HS3ST4: variants seen among roughly 807,000 people sequenced by gnomAD.
HS3ST4 encodes heparan sulfate glucosamine 3-O-sulfotransferase 4.
HS3ST4 carries 17 observed loss-of-function variants against 29.2 expected under a neutral mutation model. That is an observed-to-expected ratio of 0.58 (90% CI 0.40 to 0.87). The LOEUF (loss-of-function observed/expected upper bound fraction) is 0.87. HS3ST4 is among the 40% of genes least tolerant of loss of function. HS3ST4 has a pLI of 0.00. For synonymous variants in HS3ST4, 314 were observed against 285.7 expected, an observed-to-expected ratio of 1.10 and a Z score of -1.00; for missense variants, 627 against 634.5, an observed-to-expected ratio of 0.99 and a Z score of 0.13.
intron 1 of HS3ST4, among the ~76,000 whole-genome samples, chr16:25,999,897 T>TTATATATATTATATATATATTTTTATATA (rs1555477425): frequency 7.6e-6 from 1 of 131,882 alleles, no homozygotes; most frequent in Admixed American, 8.6e-5. Context: ...TATATATATT[T>TTATATATATTATATATATATTTTTATATA]TATATATATA....
At chr16:25,929,250 T>G (rs1968440095) in intron 1 of HS3ST4, among the ~76,000 whole-genome samples, 1 of 151,890 alleles carries the variant, frequency 6.6e-6, no homozygotes, top group Non-Finnish European at 1.5e-5. Context: ...GGTGTGATGG[T>G]GCACCCCTGT....
At chr16:25,706,071 C>T (rs1228648663) in intron 1 of HS3ST4, among the ~76,000 whole-genome samples, 1 of 152,310 alleles carries the variant, frequency 6.6e-6, no homozygotes, top group Non-Finnish European at 1.5e-5. Flanking sequence ...GGATATCAAA[C>T]GTTCTCAGGG....
At chr16:25,999,800 ATT>A (rs1243322333) in intron 1 of HS3ST4, among the ~76,000 whole-genome samples, 3 of 136,200 alleles carry the variant, frequency 2.2e-5, no homozygotes, top group African/African-American at 8.3e-5. Flanking sequence ...TTTTATATAT[ATT>A]ATATGTATAT....
intron 1 of HS3ST4, among the ~76,000 whole-genome samples, chr16:25,914,892 G>T (rs1357066575): frequency 6.6e-6 from 1 of 151,862 alleles, no homozygotes; most frequent in Non-Finnish European, 1.5e-5. Flanking sequence ...GATAGGCTGA[G>T]AGTAATTTGC....
At chr16:26,126,949 C>G (rs541659004) in intron 1 of HS3ST4, among the ~76,000 whole-genome samples, 1 of 151,992 alleles carries the variant, frequency 6.6e-6, no homozygotes, top group Non-Finnish European at 1.5e-5. Context: ...TGTTCACCCT[C>G]CCTGGAGATA....
At chr16:26,056,260 G>A (rs1898407065) in intron 1 of HS3ST4, among the ~76,000 whole-genome samples, 1 of 152,206 alleles carries the variant, frequency 6.6e-6, no homozygotes, top group South Asian at 2.1e-4. Flanking sequence ...GTCAGACCCA[G>A]TGGCCAGCAG....
intron 1 of HS3ST4, among the ~76,000 whole-genome samples, chr16:26,007,856 C>A (rs948701729): frequency 6.6e-6 from 1 of 152,086 alleles, no homozygotes; most frequent in African/African-American, 2.4e-5. Context: ...CACCACCTAT[C>A]CCCCTACAAT....
intron 1 of HS3ST4, among the ~76,000 whole-genome samples, chr16:26,036,555 A>C (rs1969584974): frequency 6.6e-6 from 1 of 152,218 alleles, no homozygotes; most frequent in Admixed American, 6.5e-5. Context: ...ACTTTACCTT[A>C]TAATGGATGC....
chr16:26,008,063 G>A (rs1969274205), intron 1 of HS3ST4, among the ~76,000 whole-genome samples: 1 of 152,064 alleles, frequency 6.6e-6, no homozygotes, highest in South Asian at 2.1e-4. Context: ...TCTTTGGCTG[G>A]ATCCAGAAAC....
chr16:25,860,035 G>A (rs1245372801), intron 1 of HS3ST4, among the ~76,000 whole-genome samples: 1 of 152,186 alleles, frequency 6.6e-6, no homozygotes, highest in African/African-American at 2.4e-5. Flanking sequence ...AGGGATCTAG[G>A]TTGTGAGCTC....
intron 1 of HS3ST4, among the ~76,000 whole-genome samples, chr16:25,869,168 G>A (rs2141658437): frequency 6.6e-6 from 1 of 152,198 alleles, no homozygotes; most frequent in South Asian, 2.1e-4. Flanking sequence ...GGGAGGGGTT[G>A]GCATCCAAGT....
chr16:25,971,985 T>C (rs148132525), intron 1 of HS3ST4, among the ~76,000 whole-genome samples: 1,774 of 151,504 alleles, frequency 0.012, 30 homozygotes, highest in African/African-American at 0.04. Context: ...ACTGCTGGGG[T>C]TCAAATCCTG....
At chr16:25,965,056 G>A (rs983860067) in intron 1 of HS3ST4, among the ~76,000 whole-genome samples, 2 of 152,090 alleles carry the variant, frequency 1.3e-5, no homozygotes, top group Non-Finnish European at 2.9e-5. Flanking sequence ...ATGTTCACGC[G>A]AGACATTGTA....
intron 1 of HS3ST4, among the ~76,000 whole-genome samples, chr16:26,012,036 G>A (rs536243450): frequency 5.9e-5 from 9 of 152,252 alleles, no homozygotes; most frequent in South Asian, 4.2e-4. Context: ...CTGAATAATC[G>A]ATTAATGCTC....
rs528225623 is a variant in HS3ST4, at chr16:25,801,799, A to G, written c.734+108648A>G. ...TTCAGCCTCTTACAATATAGGTTAC[A>G]AATATTTTTACAACCTATCATATAA... On this transcript the variant is annotated intron_variant, in intron 1 of 1. Transcript: ENST00000331351. 6.6e-5 allele frequency among the ~76,000 whole-genome samples: 10 copies of G among 152,244 alleles called. No homozygotes were observed. In the East Asian group the frequency reaches 1.5e-3, roughly 23 times the overall value.
intron 1 of HS3ST4, among the ~76,000 whole-genome samples, chr16:26,129,902 T>G (rs1373152481): frequency 6.6e-6 from 1 of 152,152 alleles, no homozygotes; most frequent in Non-Finnish European, 1.5e-5. Context: ...TTAACTATTG[T>G]TATTGTTTCT....
intron 1 of HS3ST4, among the ~76,000 whole-genome samples, chr16:25,929,243 G>A (rs1968440072): frequency 6.6e-6 from 1 of 152,036 alleles, no homozygotes; most frequent in Admixed American, 6.6e-5. Context: ...TTAGCTGGGT[G>A]TGATGGTGCA....
At chr16:25,806,259 GC>G (rs769583778) in intron 1 of HS3ST4, among the ~76,000 whole-genome samples, 1 of 152,234 alleles carries the variant, frequency 6.6e-6, no homozygotes, top group Non-Finnish European at 1.5e-5. Context: ...TTCAGCACAG[GC>G]ACAAAGGTTT....
At position 25,903,086 on chromosome 16, in the gene HS3ST4, G is replaced by A. The variant is rs369778390; in HGVS notation, c.734+209935G>A. Among the ~76,000 whole-genome samples, 64 of 151,810 alleles carry A rather than the reference G, an allele frequency of 4.2e-4. 1 individual carries two copies. The South Asian group carries it at 0.013, about 31-fold the overall frequency. ...AGCAGAGAGCTGTTGAGGCTGCAGG[G>A]CAATAGTAAAACATCCATACTGGCT... On this transcript the variant is annotated intron_variant, in intron 1 of 1. Coordinates refer to ENST00000331351, the MANE Select transcript of HS3ST4 (RefSeq NM_006040.3).
Sources: gnomAD v4.1 joint callset for allele counts (sites outside exome capture counted in the v4.1 genomes callset) on GRCh38, gnomAD v4.1.1 for gene constraint, MANE v1.5 for transcripts, NCBI Gene and HGNC (gene_info 2026-07-23, HGNC 2026-07-21) for gene names.